Variants in DSCAM observed in about 807,000 individuals in gnomAD.
DSCAM encodes the protein DS cell adhesion molecule, also known as cell adhesion molecule DSCAM.
Under a neutral mutation model 217.7 loss-of-function variants are expected in DSCAM, and 47 were observed. That is an observed-to-expected ratio of 0.22 (90% confidence interval 0.17 to 0.28). The LOEUF (loss-of-function observed/expected upper bound fraction) is 0.28, where lower values mean the gene tolerates loss of function less well. DSCAM is among the 10% of genes least tolerant of loss of function. DSCAM has a pLI of 1.00. For missense variants in DSCAM, 2,080 were observed against 2,618.3 expected, an observed-to-expected ratio of 0.79 and a Z score of 4.49; for synonymous variants, 1,056 against 1,015.3, an observed-to-expected ratio of 1.04 and a Z score of -0.76.
chr21:40,498,781 G>GTATA (rs1166919235), intron 3 of DSCAM, among the ~76,000 whole-genome samples: 11 of 26,014 alleles, frequency 4.2e-4, no homozygotes, highest in Non-Finnish European at 6.8e-4. Context: ...ATATGGGTGT[G>GTATA]TATATATATA....
chr21:40,071,948 C>A (rs1458157259), intron 27 of DSCAM, among the ~76,000 whole-genome samples: 1 of 152,194 alleles, frequency 6.6e-6, no homozygotes, highest in East Asian at 1.9e-4. Flanking sequence ...AAGAAACAAA[C>A]GTCTTTCTGG....
At position 40,810,629 on chromosome 21, in the gene DSCAM, G is replaced by A. The variant is rs187661184; in HGVS notation, c.43+35990C>T. On this transcript the variant is annotated intron_variant, in intron 1 of 32. Coordinates refer to ENST00000400454, the MANE Select transcript of DSCAM (RefSeq NM_001389.5). The stretch of plus-strand genomic sequence containing the variant: ...AATGAAAATTTTTGTAGCTGGATGT[G>A]GTGGCACATGCCTGTAGTCCCAGCT... Among the ~76,000 whole-genome samples, 52 of 152,324 alleles carry A rather than the reference G, an allele frequency of 3.4e-4. 2 individuals are homozygous for A. The East Asian group carries it at 9.5e-3, about 28-fold the overall frequency.
chr21:40,829,594 G>A (rs1291969224), intron 1 of DSCAM, among the ~76,000 whole-genome samples: 3 of 152,190 alleles, frequency 2.0e-5, no homozygotes, highest in Non-Finnish European at 4.4e-5. Flanking sequence ...ACAGGTCAGA[G>A]GAAAAGCAAG....
intron 32 of DSCAM, among the ~76,000 whole-genome samples, chr21:40,014,630 G>A (rs995068670): frequency 1.4e-4 from 22 of 152,188 alleles, no homozygotes; most frequent in Admixed American, 7.8e-4. Flanking sequence ...GCAGCCTGAC[G>A]TGCCTCCAAC....
intron 11 of DSCAM, among the ~76,000 whole-genome samples, chr21:40,204,750 T>C (rs948209339): frequency 4.6e-5 from 7 of 152,242 alleles, no homozygotes; most frequent in African/African-American, 1.4e-4. Flanking sequence ...TGAACTGTAG[T>C]ATTAATGATA....
At chr21:40,232,778 G>A (rs1445321779) in intron 11 of DSCAM, among the ~76,000 whole-genome samples, 1 of 152,008 alleles carries the variant, frequency 6.6e-6, no homozygotes, top group Non-Finnish European at 1.5e-5. Flanking sequence ...AATCAATTTA[G>A]ACAGGTGATA....
At chr21:40,719,669 G>A (rs1601169124) in intron 1 of DSCAM, among the ~76,000 whole-genome samples, 1 of 152,292 alleles carries the variant, frequency 6.6e-6, no homozygotes. Context: ...AACTATAATG[G>A]TGAAGAAAAG....
At chr21:40,104,685 A>G (rs2089795978) in intron 20 of DSCAM, among the ~76,000 whole-genome samples, 1 of 152,194 alleles carries the variant, frequency 6.6e-6, no homozygotes, top group Non-Finnish European at 1.5e-5. Context: ...TAAGTCTTAC[A>G]TAAACTATGA....
At chr21:40,397,679 A>G (rs1021976154) in intron 3 of DSCAM, among the ~76,000 whole-genome samples, 3 of 152,118 alleles carry the variant, frequency 2.0e-5, no homozygotes, top group Non-Finnish European at 4.4e-5. Context: ...TTTTGGCAAC[A>G]CTACCAATAC....
chr21:40,475,015 A>T (rs1278988124), intron 3 of DSCAM, among the ~76,000 whole-genome samples: 3 of 151,908 alleles, frequency 2.0e-5, no homozygotes, highest in African/African-American at 7.3e-5. Context: ...ATCACCCCAA[A>T]CAGTCAGTAG....
intron 24 of DSCAM, 24 bp from the exon 25 acceptor site, chr21:40,080,364 C>T (rs1568930336): frequency 6.5e-7 from 1 of 1,540,826 alleles, no homozygotes; most frequent in African/African-American, 1.4e-5. Flanking sequence ...GAAAGATTCA[C>T]ATGAGCACTG....
intron 3 of DSCAM, among the ~76,000 whole-genome samples, chr21:40,415,891 T>C (rs2075366875): frequency 6.6e-6 from 1 of 152,194 alleles, no homozygotes; most frequent in Non-Finnish European, 1.5e-5. Flanking sequence ...GTCATCATTA[T>C]CCATTTTTAT....
At chr21:40,476,978 A>C (rs2145979116) in intron 3 of DSCAM, among the ~76,000 whole-genome samples, 1 of 152,348 alleles carries the variant, frequency 6.6e-6, no homozygotes, top group East Asian at 1.9e-4. Flanking sequence ...TAAAATTTAA[A>C]GTACAAATAA....
intron 24 of DSCAM, among the ~76,000 whole-genome samples, chr21:40,082,662 A>G (rs1234822267): frequency 1.3e-5 from 2 of 150,362 alleles, no homozygotes; most frequent in African/African-American, 4.9e-5. Flanking sequence ...CCTCACCACG[A>G]TTTTAAAAAA....
At chr21:40,159,250 C>A (rs1019896075) in intron 16 of DSCAM, among the ~76,000 whole-genome samples, 1 of 152,144 alleles carries the variant, frequency 6.6e-6, no homozygotes, top group Non-Finnish European at 1.5e-5. Flanking sequence ...TATATGTTTT[C>A]CTTTTTCATT....
At chr21:40,032,816 G>C (rs2088553017) in intron 32 of DSCAM, among the ~76,000 whole-genome samples, 3 of 152,116 alleles carry the variant, frequency 2.0e-5, no homozygotes, top group Admixed American at 6.5e-5. Flanking sequence ...GCTCTATCCA[G>C]GCATAGATCT....
At chr21:40,751,750 T>C (rs2837806) in intron 1 of DSCAM, among the ~76,000 whole-genome samples, 122,356 of 152,056 alleles carry the variant, frequency 0.8, 49,624 homozygotes, top group African/African-American at 0.9. Flanking sequence ...CAAGGACACT[T>C]TTCTATTTCT....
At chr21:40,215,436 GA>G (rs1444735375) in intron 11 of DSCAM, among the ~76,000 whole-genome samples, 2 of 150,524 alleles carry the variant, frequency 1.3e-5, no homozygotes, top group Non-Finnish European at 3.0e-5. Context: ...AAAACAAAAA[GA>G]AAAAATTGTG....
Position 40,097,954 on chromosome 21 carries a change from A to AAAAAG in DSCAM, c.3697-4081_3697-4080insCTTTT, listed in dbSNP as rs1555877400. Among the ~76,000 whole-genome samples, 155 of 51,510 alleles carry AAAAAG rather than the reference A, an allele frequency of 3.0e-3. 3 individuals carry two copies. The highest frequency in any genetic ancestry group is 3.6e-3 in the Non-Finnish European group (101 of 28,112). The allele number at this position is 51,510 out of a possible 152,430, so 33.8% of individuals were successfully genotyped here. ...AGACTCTGTCTCAAAAAAAAAAAAA[A>AAAAAG]AAAGAAAGAAAGAAAGAAAGAAAGA... On this transcript the variant is annotated intron_variant, in intron 20 of 32. Coordinates refer to ENST00000400454, the MANE Select transcript of DSCAM (RefSeq NM_001389.5).
Sources: gnomAD v4.1 joint callset for allele counts (sites outside exome capture counted in the v4.1 genomes callset) on GRCh38, gnomAD v4.1.1 for gene constraint, MANE v1.5 for transcripts, NCBI Gene and HGNC (gene_info 2026-07-23, HGNC 2026-07-21) for gene names.